Variants in TAFA4 observed in about 807,000 individuals in gnomAD.
TAFA4 encodes the protein TAFA chemokine like family member 4.
A neutral mutation model predicts 21.1 loss-of-function variants in TAFA4; 20 were observed. The observed-to-expected ratio is 0.95, with a 90% CI of 0.67 to 1.38. The LOEUF is 1.38. TAFA4 is among the 40% of genes most tolerant of loss of function. The pLI, the probability that TAFA4 is intolerant of heterozygous loss-of-function variation, is 0.00. For missense variants in TAFA4, 211 were observed against 180.9 expected, an observed-to-expected ratio of 1.17 and a Z score of -0.95; for synonymous variants, 71 against 67.4, an observed-to-expected ratio of 1.05 and a Z score of -0.26.
At chr3:68,904,909 C>T (rs920021774) in intron 1 of TAFA4, among the ~76,000 whole-genome samples, 4 of 152,190 alleles carry the variant, frequency 2.6e-5, no homozygotes, top group Admixed American at 2.6e-4. Context: ...GGGATGGGAA[C>T]TGGCCTTGCA....
intron 1 of TAFA4, among the ~76,000 whole-genome samples, chr3:68,909,891 G>A (rs756785731): frequency 1.3e-5 from 2 of 152,186 alleles, no homozygotes; most frequent in Non-Finnish European, 2.9e-5. Flanking sequence ...AAGGCACTGG[G>A]AAGGCCTGCT....
intron 3 of TAFA4, among the ~76,000 whole-genome samples, chr3:68,830,341 C>T (rs991565652): frequency 1.4e-4 from 21 of 152,176 alleles, no homozygotes; most frequent in African/African-American, 4.8e-4. Flanking sequence ...ATAAATTTCC[C>T]TCAACATACT....
chr3:68,768,337 A>G (rs1702893936), intron 3 of TAFA4, among the ~76,000 whole-genome samples: 1 of 152,242 alleles, frequency 6.6e-6, no homozygotes, highest in African/African-American at 2.4e-5. Context: ...ACAAATGGCC[A>G]ACAGGTATAT....
At chr3:68,764,215 G>T (rs1702807888) in intron 3 of TAFA4, among the ~76,000 whole-genome samples, 1 of 151,960 alleles carries the variant, frequency 6.6e-6, no homozygotes, top group African/African-American at 2.4e-5. Flanking sequence ...AGACATCAGA[G>T]AGCTCATTCT....
intron 1 of TAFA4, among the ~76,000 whole-genome samples, chr3:68,907,163 G>A (rs910378053): frequency 3.3e-5 from 5 of 152,100 alleles, no homozygotes; most frequent in Middle Eastern, 6.3e-3. Flanking sequence ...TTAGCCAAGA[G>A]GGAGGGAAGC....
intron 1 of TAFA4, among the ~76,000 whole-genome samples, chr3:68,928,649 C>T (rs1163027593): frequency 6.6e-6 from 1 of 152,142 alleles, no homozygotes; most frequent in Non-Finnish European, 1.5e-5. Flanking sequence ...CTGGTGTATA[C>T]AGCTGTCCAA....
At chr3:68,864,139 C>T (rs367631500) in intron 3 of TAFA4, among the ~76,000 whole-genome samples, 1 of 151,970 alleles carries the variant, frequency 6.6e-6, no homozygotes, top group Non-Finnish European at 1.5e-5. Flanking sequence ...CCTCAAAAAA[C>T]ATTGTTAAGA....
At chr3:68,886,247 G>A (rs752668770) in intron 1 of TAFA4, among the ~76,000 whole-genome samples, 6 of 152,222 alleles carry the variant, frequency 3.9e-5, no homozygotes, top group South Asian at 2.1e-4. Context: ...GAACACTTTC[G>A]GTGATAAATT....
At chr3:68,819,136 G>A (rs1051467511) in intron 3 of TAFA4, among the ~76,000 whole-genome samples, 1 of 152,146 alleles carries the variant, frequency 6.6e-6, no homozygotes, top group African/African-American at 2.4e-5. Context: ...AGCTGGCATG[G>A]TGACACAAAC....
At chr3:68,765,007 G>C (rs1439592285) in intron 3 of TAFA4, among the ~76,000 whole-genome samples, 1 of 152,012 alleles carries the variant, frequency 6.6e-6, no homozygotes, top group Non-Finnish European at 1.5e-5. Context: ...AAAAGACAAA[G>C]AAGCCAGAAG....
At chr3:68,828,892 T>C (rs1442638978) in intron 3 of TAFA4, among the ~76,000 whole-genome samples, 3 of 152,182 alleles carry the variant, frequency 2.0e-5, no homozygotes, top group Non-Finnish European at 4.4e-5. Flanking sequence ...CTGATTACCC[T>C]GGCCAGAACC....
At chr3:68,810,874 C>T (rs1055720168) in intron 3 of TAFA4, among the ~76,000 whole-genome samples, 4 of 152,204 alleles carry the variant, frequency 2.6e-5, no homozygotes, top group Admixed American at 6.5e-5. Context: ...AGACTGCAAC[C>T]TCAAGTGGGT....
intron 1 of TAFA4, among the ~76,000 whole-genome samples, chr3:68,887,649 G>C (rs1055534261): frequency 6.6e-6 from 1 of 152,104 alleles, no homozygotes; most frequent in Admixed American, 6.5e-5. Flanking sequence ...ACACCATCAA[G>C]GCATACCACT....
At chr3:68,810,531 C>T (rs4855520) in intron 3 of TAFA4, among the ~76,000 whole-genome samples, 3,669 of 152,272 alleles carry the variant, frequency 0.024, 231 homozygotes, top group East Asian at 0.24. Flanking sequence ...TTATATCCTG[C>T]GCCTGGCTCT....
At chr3:68,877,085 GCA>G (rs1682479439) in intron 3 of TAFA4, among the ~76,000 whole-genome samples, 1 of 152,084 alleles carries the variant, frequency 6.6e-6, no homozygotes, top group Non-Finnish European at 1.5e-5. Context: ...CGGGCCGGGC[GCA>G]GTGTCTCAGG....
chr3:68,862,960 G>A (rs1272286579), intron 3 of TAFA4, among the ~76,000 whole-genome samples: 6 of 151,596 alleles, frequency 4.0e-5, no homozygotes, highest in East Asian at 3.9e-4. Context: ...AGAGCCAGGC[G>A]CAGTGGCTCA....
At chr3:68,735,374 G>C (rs1001815666) in intron 5 of TAFA4, among the ~76,000 whole-genome samples, 3 of 152,122 alleles carry the variant, frequency 2.0e-5, no homozygotes, top group Non-Finnish European at 4.4e-5. Context: ...TTGATGCAGA[G>C]AAAGCAAGGT....
At chr3:68,742,096 A>T (rs545103803) in intron 4 of TAFA4, among the ~76,000 whole-genome samples, 98 of 152,322 alleles carry the variant, frequency 6.4e-4, no homozygotes, top group African/African-American at 2.2e-3. Flanking sequence ...CCACATTAAC[A>T]GAATGAAGGA....
At chr3:68,735,772 T>C (rs1015257179) in intron 5 of TAFA4, among the ~76,000 whole-genome samples, 2 of 152,060 alleles carry the variant, frequency 1.3e-5, no homozygotes, top group Admixed American at 6.6e-5. Context: ...AAGAATCAAG[T>C]AGGAAGTTTG....
Sources: gnomAD v4.1 joint callset for allele counts (sites outside exome capture counted in the v4.1 genomes callset) on GRCh38, gnomAD v4.1.1 for gene constraint, MANE v1.5 for transcripts, NCBI Gene and HGNC (gene_info 2026-07-23, HGNC 2026-07-21) for gene names.